Variants in KCNC2 observed in about 807,000 individuals in gnomAD.
KCNC2 encodes the protein potassium voltage-gated channel subfamily C member 2.
A neutral mutation model predicts 44.5 loss-of-function variants in KCNC2; 21 were observed. The ratio of observed to expected loss-of-function variants is 0.47; its 90% confidence interval spans 0.33 to 0.68. The LOEUF (loss-of-function observed/expected upper bound fraction) is 0.68. Among genes scored for constraint, KCNC2 ranks in the 30% least tolerant of loss-of-function variants. The probability of loss-of-function intolerance (pLI) is 0.01; values close to 1 mark genes in which losing one functional copy is unlikely to be tolerated. For synonymous variants in KCNC2, 391 were observed against 339.1 expected (o/e 1.15, Z -1.68); for missense variants, 589 against 826.2 (o/e 0.71, Z 3.52).
chr12:75,186,655 A>G (rs964784139), intron 2 of KCNC2, among the ~76,000 whole-genome samples: 1 of 152,314 alleles, frequency 6.6e-6, no homozygotes, highest in East Asian at 1.9e-4. Context: ...TTGAGAAACA[A>G]TTTTGCCAAT....
chr12:75,163,710 T>C (rs1193754429), intron 2 of KCNC2, among the ~76,000 whole-genome samples: 2 of 151,778 alleles, frequency 1.3e-5, no homozygotes, highest in African/African-American at 4.8e-5. Flanking sequence ...ATCTCAACAC[T>C]ACACTTGGAG....
chr12:75,204,358 T>G (rs1486117097), intron 2 of KCNC2, among the ~76,000 whole-genome samples: 2 of 152,022 alleles, frequency 1.3e-5, no homozygotes, highest in African/African-American at 4.8e-5. Context: ...AATTATTCAG[T>G]TCCTATCACC....
chr12:75,043,248 T>C lies in KCNC2; in HGVS notation c.1781-7A>G. On this transcript the variant is annotated splice_polypyrimidine_tract_variant and splice_region_variant and intron_variant, in intron 4 of 4. Transcript: ENST00000549446. ...CTTCGGGATTTTTCATATCCTTTTA[T>C]GAAAAAATGCACAGACATCAGTTGA... 6.2e-7 allele frequency: 1 copy of C among 1,611,170 alleles called. No homozygotes were observed. The highest frequency in any genetic ancestry group is 8.5e-7 in the Non-Finnish European group (1 of 1,178,402).
chr12:75,106,711 A>G (rs889200291), intron 2 of KCNC2, among the ~76,000 whole-genome samples: 1 of 152,216 alleles, frequency 6.6e-6, no homozygotes, highest in Non-Finnish European at 1.5e-5. Flanking sequence ...ATAGAGCATC[A>G]ATTCTGTAGC....
intron 4 of KCNC2, chr12:75,043,824 A>G (rs1029563118): frequency 2.2e-6 from 3 of 1,394,196 alleles, no homozygotes; most frequent in African/African-American, 2.9e-5. Context: ...CTTGGGTAAG[A>G]AAAGTAAAGG....
At chr12:75,071,271 A>T (rs193085434) in intron 2 of KCNC2, among the ~76,000 whole-genome samples, 4 of 152,294 alleles carry the variant, frequency 2.6e-5, no homozygotes, top group Admixed American at 6.5e-5. Context: ...AGCAATTAAA[A>T]AAAACCCTAC....
intron 2 of KCNC2, among the ~76,000 whole-genome samples, chr12:75,111,078 A>G (rs1017436190): frequency 6.6e-6 from 1 of 152,198 alleles, no homozygotes; most frequent in African/African-American, 2.4e-5. Flanking sequence ...CACTTAATCA[A>G]TGAGAATGTT....
intron 2 of KCNC2, among the ~76,000 whole-genome samples, chr12:75,205,508 T>C (rs1040398726): frequency 6.6e-6 from 1 of 152,184 alleles, no homozygotes; most frequent in Non-Finnish European, 1.5e-5. Flanking sequence ...TTTTGATCAA[T>C]AAACTATAGA....
chr12:75,175,230 T>C (rs768386848), intron 2 of KCNC2, among the ~76,000 whole-genome samples: 17 of 151,926 alleles, frequency 1.1e-4, no homozygotes, highest in Non-Finnish European at 2.4e-4. Flanking sequence ...CAGCCCAAAC[T>C]GTGATTGCGG....
chr12:75,198,552 T>C (rs961852975), intron 2 of KCNC2, among the ~76,000 whole-genome samples: 5 of 151,860 alleles, frequency 3.3e-5, no homozygotes, highest in Admixed American at 6.6e-5. Flanking sequence ...TAAGTCAAAC[T>C]GTAATAACTA....
At chr12:75,166,033 A>G (rs138956970) in intron 2 of KCNC2, among the ~76,000 whole-genome samples, 119 of 151,556 alleles carry the variant, frequency 7.9e-4, no homozygotes, top group African/African-American at 2.7e-3. Flanking sequence ...TCAAAGAAGC[A>G]AAAAAGTTGA....
At chr12:75,196,598 C>T (rs2471645) in intron 2 of KCNC2, among the ~76,000 whole-genome samples, 9,431 of 152,020 alleles carry the variant, frequency 0.062, 994 homozygotes, top group African/African-American at 0.22. Context: ...TTATTTTCTC[C>T]CTGGTCCAGA....
At chr12:75,080,111 C>G (rs781373663) in intron 2 of KCNC2, among the ~76,000 whole-genome samples, 5 of 151,988 alleles carry the variant, frequency 3.3e-5, no homozygotes, top group Non-Finnish European at 7.4e-5. Context: ...AATATATTGT[C>G]TTTTTTCTTC....
chr12:75,115,723 T>C (rs1887611898), intron 2 of KCNC2, among the ~76,000 whole-genome samples: 2 of 152,200 alleles, frequency 1.3e-5, no homozygotes, highest in African/African-American at 4.8e-5. Context: ...TGTACCTATT[T>C]ATTTCTCTAC....
intron 2 of KCNC2, among the ~76,000 whole-genome samples, chr12:75,185,210 A>G (rs1001377106): frequency 6.6e-6 from 1 of 152,196 alleles, no homozygotes; most frequent in Non-Finnish European, 1.5e-5. Context: ...AATTATGAAC[A>G]TCTTTGGGCT....
At chr12:75,043,929 C>T (rs1880197049) in intron 4 of KCNC2, 3 of 553,056 alleles carry the variant, frequency 5.4e-6, no homozygotes, top group South Asian at 3.5e-5. Context: ...TGATTTCCAC[C>T]CCCGACCTTC....
chr12:75,177,448 A>G (rs987500418), intron 2 of KCNC2, among the ~76,000 whole-genome samples: 1 of 151,992 alleles, frequency 6.6e-6, no homozygotes, highest in African/African-American at 2.4e-5. Context: ...CAGCCACAAT[A>G]AACAAGAACT....
chr12:75,075,347 T>C (rs1883827227), intron 2 of KCNC2, among the ~76,000 whole-genome samples: 1 of 150,350 alleles, frequency 6.7e-6, no homozygotes. Flanking sequence ...GCATTATCCC[T>C]TCAGAAAAAA....
At chr12:75,144,442 G>C (rs1889870869) in intron 2 of KCNC2, among the ~76,000 whole-genome samples, 2 of 152,120 alleles carry the variant, frequency 1.3e-5, no homozygotes, top group South Asian at 4.1e-4. Context: ...AGGGCCACTA[G>C]AACTCCAAAG....
Sources: gnomAD v4.1 joint callset for allele counts (sites outside exome capture counted in the v4.1 genomes callset) on GRCh38, gnomAD v4.1.1 for gene constraint, MANE v1.5 for transcripts, NCBI Gene and HGNC (gene_info 2026-07-23, HGNC 2026-07-21) for gene names.